The following CTNND2 variants were observed in gnomAD, a reference collection of about 807,000 sequenced individuals.
CTNND2 encodes catenin delta 2, also known as catenin delta-2.
Under a neutral mutation model 144.4 loss-of-function variants are expected in CTNND2, and 22 were observed. The observed-to-expected ratio is 0.15, with a 90% CI of 0.11 to 0.22. The LOEUF (loss-of-function observed/expected upper bound fraction) is 0.22, where lower values mean the gene tolerates loss of function less well. Ranked by LOEUF, CTNND2 falls within the 10% of genes least tolerant of loss-of-function variation. The pLI is 1.00. For missense variants in CTNND2, 1,353 were observed against 1,618.8 expected (o/e 0.84, Z 2.82); for synonymous variants, 751 against 695.6 (o/e 1.08, Z -1.25).
At chr5:11,064,983 G>T (rs1747404113) in intron 16 of CTNND2, among the ~76,000 whole-genome samples, 2 of 152,182 alleles carry the variant, frequency 1.3e-5, no homozygotes, top group African/African-American at 4.8e-5. Flanking sequence ...CCAGTTGGAG[G>T]GGTGGTTGTG....
intron 16 of CTNND2, among the ~76,000 whole-genome samples, chr5:11,033,967 T>C (rs1743781031): frequency 6.6e-6 from 1 of 152,224 alleles, no homozygotes; most frequent in Non-Finnish European, 1.5e-5. Context: ...TAAAAGTTGA[T>C]ACCAGGTTAG....
intron 10 of CTNND2, among the ~76,000 whole-genome samples, chr5:11,200,912 C>T (rs914028148): frequency 1.4e-5 from 2 of 147,688 alleles, no homozygotes; most frequent in African/African-American, 5.3e-5. Context: ...ATCTCCTGAC[C>T]TCGTGATCCG....
In CTNND2 at chr5:11,513,245, A is replaced by G. The variant is rs191967573; in HGVS notation, c.287+51699T>C. 4.9e-4 allele frequency among the ~76,000 whole-genome samples: 74 copies of G among 152,306 alleles called. No individual in the cohort carries two copies. In the South Asian group the frequency reaches 0.013, roughly 27 times the overall value. On this transcript the variant is annotated intron_variant, in intron 3 of 21. Coordinates refer to ENST00000304623, the MANE Select transcript of CTNND2 (RefSeq NM_001332.4). Reference sequence around the variant, plus strand: ...GCTGCAAGACGGTGCATGGGCCACAAGTACCTCTCCTTGTTTTGCTTTTCT... The same window carrying G: ...GCTGCAAGACGGTGCATGGGCCACAGGTACCTCTCCTTGTTTTGCTTTTCT...
chr5:11,183,379 T>G (rs919500670), intron 11 of CTNND2, among the ~76,000 whole-genome samples: 1 of 152,140 alleles, frequency 6.6e-6, no homozygotes, highest in Non-Finnish European at 1.5e-5. Context: ...CACCCATACG[T>G]GTCCTTAATA....
chr5:11,102,122 A>T (rs1751960913), intron 14 of CTNND2, among the ~76,000 whole-genome samples: 1 of 152,202 alleles, frequency 6.6e-6, no homozygotes, highest in African/African-American at 2.4e-5. Context: ...TGAGAGTTAC[A>T]TAAATGTTCC....
intron 2 of CTNND2, among the ~76,000 whole-genome samples, chr5:11,625,580 G>T (rs180984794): frequency 6.6e-6 from 1 of 152,134 alleles, no homozygotes. Context: ...AAAATGACAT[G>T]AAAACACAAA....
chr5:11,104,716 T>G (rs1232786427), intron 14 of CTNND2, among the ~76,000 whole-genome samples: 1 of 152,192 alleles, frequency 6.6e-6, no homozygotes. Flanking sequence ...AGACTTCGGC[T>G]GCAGCTGAGG....
At chr5:11,626,060 T>C (rs1322668506) in intron 2 of CTNND2, among the ~76,000 whole-genome samples, 3 of 152,110 alleles carry the variant, frequency 2.0e-5, no homozygotes, top group Non-Finnish European at 4.4e-5. Flanking sequence ...GAATATAAAA[T>C]AGTAGGTGTC....
At chr5:11,549,805 A>G (rs1278001503) in intron 3 of CTNND2, among the ~76,000 whole-genome samples, 2 of 152,180 alleles carry the variant, frequency 1.3e-5, no homozygotes, top group African/African-American at 4.8e-5. Context: ...TATCACAGCT[A>G]TGTTATCATA....
chr5:11,803,551 C>T (rs1428622110), intron 1 of CTNND2, among the ~76,000 whole-genome samples: 1 of 152,146 alleles, frequency 6.6e-6, no homozygotes, highest in Admixed American at 6.5e-5. Context: ...ATCCACTGAA[C>T]TGAAGATGAG....
At chr5:11,177,942 C>A (rs2149795042) in intron 11 of CTNND2, among the ~76,000 whole-genome samples, 1 of 152,136 alleles carries the variant, frequency 6.6e-6, no homozygotes, top group African/African-American at 2.4e-5. Context: ...GTTGTTTATA[C>A]CAGAGGAATG....
At chr5:11,213,726 G>C (rs951621827) in intron 10 of CTNND2, among the ~76,000 whole-genome samples, 7 of 152,088 alleles carry the variant, frequency 4.6e-5, no homozygotes, top group Non-Finnish European at 1.5e-5. Flanking sequence ...TCCATGGAAG[G>C]CCACTGCAGA....
Position 11,903,127 on chromosome 5 carries a change from A to G in CTNND2, c.37+690T>C. 1 of 932,022 alleles carries G rather than the reference A, an allele frequency of 1.1e-6. No individual in the cohort carries two copies. Among genetic ancestry groups the G allele is most frequent in the Non-Finnish European group, 1.3e-6 (1 of 781,244 alleles). The allele number at this position is 932,022 out of a possible 1,614,324, so 57.7% of individuals were successfully genotyped here. ...CAGCCATTAATTACGGATCACCCCA[A>G]TTTTGCATCGCTCATCTCCCATACA... On this transcript the variant is annotated intron_variant, in intron 1 of 21. Transcript: ENST00000304623. This position sits in a 1 kb window ranked among gnomAD's most constrained non-coding sequence, Gnocchi z 5.4.
chr5:11,752,640 C>T (rs529234122), intron 1 of CTNND2, among the ~76,000 whole-genome samples: 2 of 149,856 alleles, frequency 1.3e-5, no homozygotes, highest in South Asian at 4.2e-4. Flanking sequence ...CAGCTTTGTT[C>T]TTTTTGCTTA....
chr5:11,135,532 T>C (rs937572799), intron 12 of CTNND2, among the ~76,000 whole-genome samples: 1 of 152,208 alleles, frequency 6.6e-6, no homozygotes, highest in African/African-American at 2.4e-5. Flanking sequence ...ATTCAGTGAT[T>C]GAATGACTTC....
chr5:11,470,733 G>A (rs961337368), intron 3 of CTNND2, among the ~76,000 whole-genome samples: 7 of 151,638 alleles, frequency 4.6e-5, no homozygotes, highest in South Asian at 2.1e-4. Flanking sequence ...TGACCCTGAC[G>A]GTTTTGATGA....
At chr5:11,134,422 G>A (rs1471305270) in intron 12 of CTNND2, among the ~76,000 whole-genome samples, 2 of 152,178 alleles carry the variant, frequency 1.3e-5, no homozygotes, top group Non-Finnish European at 2.9e-5. Context: ...CAAGACCCCT[G>A]CATTTCTAGA....
At chr5:11,078,116 T>C (rs1292754162) in intron 16 of CTNND2, among the ~76,000 whole-genome samples, 7 of 152,162 alleles carry the variant, frequency 4.6e-5, no homozygotes, top group Non-Finnish European at 7.3e-5. Context: ...TGATCTTCAA[T>C]GCCATGAAAC....
At chr5:11,353,359 C>T (rs1235137336) in intron 8 of CTNND2, among the ~76,000 whole-genome samples, 20 of 152,098 alleles carry the variant, frequency 1.3e-4, no homozygotes. Flanking sequence ...CTCCACTGTT[C>T]GGCACTAGAG....
Sources: allele counts gnomAD v4.1 joint callset (sites outside exome capture counted in the v4.1 genomes callset), GRCh38; gene constraint gnomAD v4.1.1; non-coding constraint Gnocchi (gnomAD v3.1); transcripts MANE v1.5; gene names NCBI Gene and HGNC (gene_info 2026-07-23, HGNC 2026-07-21).